Variants in LEPR observed in about 807,000 individuals in gnomAD.
The protein encoded by LEPR is OB receptor.
LEPR carries 56 observed loss-of-function variants against 114.7 expected under a neutral mutation model. That is an observed-to-expected ratio of 0.49 (90% confidence interval 0.39 to 0.61). LEPR has a LOEUF of 0.61. Ranked by LOEUF, LEPR falls within the 20% of genes least tolerant of loss-of-function variation. LEPR has a pLI of 0.00. For synonymous variants in LEPR, 443 were observed against 461.4 expected (o/e 0.96, Z 0.51); for missense variants, 1,202 against 1,352.9 (o/e 0.89, Z 1.75).
At chr1:65,431,798 T>C in intron 2 of LEPR, 1 of 1,610,582 alleles carries the variant, frequency 6.2e-7, no homozygotes, top group Non-Finnish European at 8.5e-7. Flanking sequence ...TTTCTTGTCT[T>C]TCAGATCAAA....
At chr1:65,537,049 C>G (rs1469313922) in intron 2 of LEPR, among the ~76,000 whole-genome samples, 1 of 152,058 alleles carries the variant, frequency 6.6e-6, no homozygotes, top group Non-Finnish European at 1.5e-5. Flanking sequence ...TGCTACCAGG[C>G]CATCGGGAAT....
chr1:65,547,861 G>T (rs1179327120), intron 2 of LEPR, among the ~76,000 whole-genome samples: 1 of 112,086 alleles, frequency 8.9e-6, no homozygotes, highest in Non-Finnish European at 1.9e-5. Context: ...TTTTGAATGT[G>T]TTTGCTCTTG....
intron 2 of LEPR, chr1:65,525,670 C>G: frequency 2.0e-6 from 2 of 985,746 alleles, no homozygotes; most frequent in Non-Finnish European, 2.4e-6. Context: ...CCCTCCTCCT[C>G]TCCTGAGAGT....
intron 19 of LEPR, among the ~76,000 whole-genome samples, chr1:65,626,494 T>G (rs1658220987): frequency 1.3e-5 from 2 of 152,188 alleles, no homozygotes; most frequent in South Asian, 4.1e-4. Context: ...ATAACACTAT[T>G]AGGAATAAAT....
At chr1:65,440,706 T>C (rs1646638648) in intron 2 of LEPR, among the ~76,000 whole-genome samples, 1 of 151,842 alleles carries the variant, frequency 6.6e-6, no homozygotes, top group Non-Finnish European at 1.5e-5. Flanking sequence ...AGATAATGTG[T>C]GTGTAGGGGT....
chr1:65,475,486 G>A (rs1403709752), intron 2 of LEPR, among the ~76,000 whole-genome samples: 1 of 152,184 alleles, frequency 6.6e-6, no homozygotes, highest in Admixed American at 6.5e-5. Flanking sequence ...GTGGTATCCT[G>A]AATTCTTCCC....
At chr1:65,607,689 C>G (rs1340899199) in intron 11 of LEPR, among the ~76,000 whole-genome samples, 1 of 152,158 alleles carries the variant, frequency 6.6e-6, no homozygotes, top group African/African-American at 2.4e-5. Context: ...CACTGTTATG[C>G]TTGGGCTTTC....
At chr1:65,571,998 A>G (rs1654217123) in intron 4 of LEPR, among the ~76,000 whole-genome samples, 2 of 149,946 alleles carry the variant, frequency 1.3e-5, no homozygotes, top group Admixed American at 1.3e-4. Flanking sequence ...AAGGAAAGAA[A>G]AAGAAAAGTG....
intron 19 of LEPR, chr1:65,623,315 G>C (rs1215448604): frequency 5.6e-6 from 1 of 177,810 alleles, no homozygotes; most frequent in Non-Finnish European, 1.2e-5. Context: ...GGTATAAACT[G>C]TATTTAGGCA....
chr1:65,557,271 A>G (rs1360351892), intron 2 of LEPR, among the ~76,000 whole-genome samples: 3 of 152,192 alleles, frequency 2.0e-5, no homozygotes, highest in Non-Finnish European at 2.9e-5. Context: ...CAATACAACC[A>G]TAAGAAAAGT....
At chr1:65,543,947 C>T (rs745315930) in intron 2 of LEPR, among the ~76,000 whole-genome samples, 1 of 151,950 alleles carries the variant, frequency 6.6e-6, no homozygotes, top group African/African-American at 2.4e-5. Context: ...CTTGGCTGTG[C>T]AGGCTCTCTT....
intron 10 of LEPR, among the ~76,000 whole-genome samples, chr1:65,603,610 C>T (rs999053159): frequency 2.6e-5 from 4 of 152,058 alleles, no homozygotes; most frequent in Non-Finnish European, 5.9e-5. Flanking sequence ...TGGCCTGGGG[C>T]CCCCATGTGG....
intron 4 of LEPR, 43 bp from the exon 5 acceptor site, chr1:65,572,283 T>C: frequency 6.8e-7 from 1 of 1,470,378 alleles, no homozygotes; most frequent in Non-Finnish European, 9.0e-7. Context: ...TGAGATTTCA[T>C]GTAGTTGTTT....
intron 2 of LEPR, among the ~76,000 whole-genome samples, chr1:65,472,355 C>T (rs1315158636): frequency 6.7e-6 from 1 of 150,078 alleles, no homozygotes; most frequent in Admixed American, 6.7e-5. Flanking sequence ...CTTTCCCCTT[C>T]CATTTCTTCC....
chr1:65,470,321 A>G (rs1038704228), intron 2 of LEPR, among the ~76,000 whole-genome samples: 1 of 152,242 alleles, frequency 6.6e-6, no homozygotes, highest in Non-Finnish European at 1.5e-5. Flanking sequence ...TGAAAGCACA[A>G]AAATCAGAGG....
chr1:65,570,696 C>G lies in LEPR; in HGVS notation c.264C>G (p.His88Gln). Residue 88 changes from histidine to glutamine, a missense_variant, in exon 4 of 20, where the codon CAC (histidine) becomes CAG (glutamine). His to Gln is a conservative substitution (Grantham distance 24). Coordinates refer to ENST00000349533, the MANE Select transcript of LEPR (RefSeq NM_002303.6). ...HFSNLSKTTF[H>Q]CCFRSEQDRN... ...CTAACTTATCCAAAACAACTTTCCA[C>G]TGTTGCTTTCGGAGTGAGCAAGATA... 3 of 1,613,788 alleles carry G rather than the reference C, an allele frequency of 1.9e-6. No individual in the cohort carries two copies. The highest frequency in any genetic ancestry group is 2.5e-6 in the Non-Finnish European group (3 of 1,179,772).
chr1:65,637,143 T>G lies in LEPR; in HGVS notation c.*128T>G. ...GAAAATAATTGTTCCAAATGAATGT[T>G]GTCTGTTTGTTCTCTCTTAGTAACA... is the stretch of plus-strand genomic sequence containing the variant. On this transcript the variant is annotated 3_prime_UTR_variant, in exon 20 of 20. Transcript: ENST00000349533. 2 of 1,121,758 alleles carry G rather than the reference T, an allele frequency of 1.8e-6. No homozygotes were observed. Among genetic ancestry groups the G allele is most frequent in the Non-Finnish European group, 2.5e-6 (2 of 796,940 alleles). The allele number at this position is 1,121,758 out of a possible 1,614,324, so 69.5% of individuals were successfully genotyped here.
chr1:65,444,742 A>G (rs889872520), intron 2 of LEPR, among the ~76,000 whole-genome samples: 11 of 152,154 alleles, frequency 7.2e-5, no homozygotes, highest in African/African-American at 2.7e-4. Context: ...AAATTATTAA[A>G]TATTTTGAAT....
At chr1:65,598,886 T>C in intron 8 of LEPR, 82 bp downstream of exon 8, 3 of 1,591,928 alleles carry the variant, frequency 1.9e-6, no homozygotes, top group Non-Finnish European at 2.6e-6. Flanking sequence ...CATCTTACAT[T>C]TTGAGGCCTT....
Sources: allele counts gnomAD v4.1 joint callset (sites outside exome capture counted in the v4.1 genomes callset), GRCh38; gene constraint gnomAD v4.1.1; transcripts MANE v1.5; gene names NCBI Gene and HGNC (gene_info 2026-07-23, HGNC 2026-07-21).